The following ADGRB3 variants were observed in gnomAD, a reference collection of about 807,000 sequenced individuals.
ADGRB3 encodes adhesion G protein-coupled receptor B3, also known as brain-specific angiogenesis inhibitor 3.
ADGRB3 carries 37 observed loss-of-function variants against 193.4 expected under a neutral mutation model. The ratio of observed to expected loss-of-function variants is 0.19; its 90% CI spans 0.15 to 0.25. The LOEUF is 0.25. Among genes scored for constraint, ADGRB3 ranks in the 10% least tolerant of loss-of-function variants. ADGRB3 has a pLI of 1.00. For synonymous variants in ADGRB3, 690 were observed against 644.2 expected (o/e 1.07, Z -1.08); for missense variants, 1,637 against 1,852.9 (o/e 0.88, Z 2.14).
intron 17 of ADGRB3, among the ~76,000 whole-genome samples, chr6:69,125,266 C>T (rs1415078607): frequency 1.3e-5 from 2 of 152,154 alleles, no homozygotes; most frequent in Admixed American, 1.3e-4. Flanking sequence ...TAAGCACATA[C>T]AAGGAGCCCT....
chr6:68,734,666 T>C (rs904157584), intron 3 of ADGRB3, among the ~76,000 whole-genome samples: 5 of 151,920 alleles, frequency 3.3e-5, no homozygotes, highest in Non-Finnish European at 5.9e-5. Flanking sequence ...TCTAAACCAA[T>C]TACAAGGGCA....
At chr6:69,236,750 A>G in intron 19 of ADGRB3, among the ~76,000 whole-genome samples, 1 of 152,024 alleles carries the variant, frequency 6.6e-6, no homozygotes. Flanking sequence ...GGTGATGTGT[A>G]CATTTAATCA....
chr6:68,720,652 A>C (rs1012837121), intron 3 of ADGRB3, among the ~76,000 whole-genome samples: 1 of 151,798 alleles, frequency 6.6e-6, no homozygotes, highest in Non-Finnish European at 1.5e-5. Flanking sequence ...ATAAAGTACA[A>C]TATCTCAAAT....
intron 20 of ADGRB3, among the ~76,000 whole-genome samples, chr6:69,294,018 C>G (rs1437654334): frequency 1.3e-5 from 2 of 152,096 alleles, no homozygotes; most frequent in African/African-American, 4.8e-5. Flanking sequence ...GTGGCATCTT[C>G]CTCCTATTGC....
chr6:69,372,626 T>C (rs576145213), intron 30 of ADGRB3, among the ~76,000 whole-genome samples, 185 bp downstream of exon 30: 2 of 152,086 alleles, frequency 1.3e-5, no homozygotes, highest in African/African-American at 2.4e-5. Flanking sequence ...TTTGAATTAC[T>C]TCAAGTATTT....
At chr6:68,730,756 C>T (rs1206789754) in intron 3 of ADGRB3, among the ~76,000 whole-genome samples, 1 of 151,674 alleles carries the variant, frequency 6.6e-6, no homozygotes, top group Non-Finnish European at 1.5e-5. Flanking sequence ...AGGGAAAACA[C>T]TAAAACTAAT....
chr6:68,782,236 C>T (rs1766868471), intron 3 of ADGRB3, among the ~76,000 whole-genome samples: 1 of 148,598 alleles, frequency 6.7e-6, no homozygotes, highest in African/African-American at 2.5e-5. Flanking sequence ...GTTTTTTTGT[C>T]CTTGTGATAG....
chr6:69,041,048 C>T (rs1016820193), intron 13 of ADGRB3, among the ~76,000 whole-genome samples: 2 of 151,684 alleles, frequency 1.3e-5, no homozygotes, highest in Non-Finnish European at 2.9e-5. Context: ...GGAGATCGAG[C>T]TGTTAGAACT....
chr6:69,101,943 A>G (rs1348772663), intron 17 of ADGRB3, among the ~76,000 whole-genome samples: 2 of 152,110 alleles, frequency 1.3e-5, no homozygotes, highest in Non-Finnish European at 2.9e-5. Context: ...TAATCCCAGC[A>G]CTTTGGGAGG....
intron 11 of ADGRB3, among the ~76,000 whole-genome samples, chr6:69,011,776 AG>A (rs1307632454): frequency 6.6e-6 from 1 of 152,100 alleles, no homozygotes; most frequent in African/African-American, 2.4e-5. Flanking sequence ...CTGATGAACA[AG>A]AAAGACTTAG....
intron 3 of ADGRB3, among the ~76,000 whole-genome samples, chr6:68,712,554 A>G (rs774509613): frequency 6.6e-6 from 1 of 151,988 alleles, no homozygotes; most frequent in African/African-American, 2.4e-5. Flanking sequence ...GTATGAAAAG[A>G]TGTTTTGTGA....
At chr6:69,175,050 C>A (rs535586447) in intron 17 of ADGRB3, among the ~76,000 whole-genome samples, 29 of 152,162 alleles carry the variant, frequency 1.9e-4, no homozygotes, top group Middle Eastern at 3.4e-3. Context: ...TTTTTCCATT[C>A]TGTAGGTTGT....
chr6:69,076,393 A>C (rs1051600658), intron 17 of ADGRB3, among the ~76,000 whole-genome samples: 1 of 152,138 alleles, frequency 6.6e-6, no homozygotes, highest in Non-Finnish European at 1.5e-5. Context: ...TAAAATAGCA[A>C]GATCTATGGT....
intron 20 of ADGRB3, among the ~76,000 whole-genome samples, chr6:69,295,577 G>C (rs1182169629): frequency 6.6e-6 from 1 of 152,110 alleles, no homozygotes; most frequent in Non-Finnish European, 1.5e-5. Context: ...GAACAATAAT[G>C]TTTTTATACC....
intron 17 of ADGRB3, among the ~76,000 whole-genome samples, chr6:69,198,165 G>T (rs911766544): frequency 1.3e-5 from 2 of 151,856 alleles, no homozygotes; most frequent in African/African-American, 4.8e-5. Flanking sequence ...ATTTGTTTTT[G>T]TCAGTCTTCC....
chr6:68,724,631 G>A (rs1006199837), intron 3 of ADGRB3, among the ~76,000 whole-genome samples: 1 of 150,198 alleles, frequency 6.7e-6, no homozygotes, highest in Non-Finnish European at 1.5e-5. Flanking sequence ...TTTTAGAGAT[G>A]TGATTCTGAC....
At chr6:68,725,983 A>G (rs2127327646) in intron 3 of ADGRB3, among the ~76,000 whole-genome samples, 1 of 151,720 alleles carries the variant, frequency 6.6e-6, no homozygotes, top group South Asian at 2.1e-4. Context: ...TGCAGAACAT[A>G]AAGGCTATTA....
intron 3 of ADGRB3, among the ~76,000 whole-genome samples, chr6:68,919,700 T>C (rs1056729628): frequency 2.0e-5 from 3 of 151,770 alleles, no homozygotes; most frequent in African/African-American, 4.8e-5. Flanking sequence ...GGTTGTGGGA[T>C]GGGGAGGGCG....
At chr6:69,280,817 C>T (rs898880790) in intron 20 of ADGRB3, among the ~76,000 whole-genome samples, 5 of 151,532 alleles carry the variant, frequency 3.3e-5, no homozygotes, top group African/African-American at 1.2e-4. Context: ...GCTTTAATGG[C>T]AAAGCAAAAT....
Sources: allele counts gnomAD v4.1 joint callset (sites outside exome capture counted in the v4.1 genomes callset), GRCh38; gene constraint gnomAD v4.1.1; transcripts MANE v1.5; gene names NCBI Gene and HGNC (gene_info 2026-07-23, HGNC 2026-07-21).